NLRP14: variants seen among roughly 807,000 people sequenced by gnomAD.
NLRP14 encodes the protein NACHT, LRR and PYD domains-containing protein 14.
In NLRP14, 105 loss-of-function variants were observed where a neutral mutation model predicts 94.7. The observed-to-expected ratio is 1.11, with a 90% CI of 0.95 to 1.30. NLRP14 has a LOEUF of 1.30. Among genes scored for constraint, NLRP14 ranks in the 50% most tolerant of loss-of-function variants. The probability of loss-of-function intolerance (pLI) is 0.00; values close to 1 mark genes in which losing one functional copy is unlikely to be tolerated. For missense variants in NLRP14, 1,362 were observed against 1,254.1 expected (o/e 1.09, Z -1.30); for synonymous variants, 508 against 459.9 (o/e 1.10, Z -1.34).
intron 10 of NLRP14, among the ~76,000 whole-genome samples, chr11:7,062,837 C>T (rs1852646104): frequency 6.6e-6 from 1 of 151,988 alleles, no homozygotes. Flanking sequence ...AAGACTTTTA[C>T]TAATTATCTT....
At chr11:7,070,139 G>T (rs1439205735) in intron 10 of NLRP14, 147 bp from the exon 11 acceptor site, 1 of 647,186 alleles carries the variant, frequency 1.5e-6, no homozygotes, top group Admixed American at 2.3e-5. Context: ...AATATTATAG[G>T]TACTTATAGT....
intron 1 of NLRP14, among the ~76,000 whole-genome samples, chr11:7,027,581 C>T (rs1039444140): frequency 1.3e-5 from 2 of 152,148 alleles, no homozygotes; most frequent in Non-Finnish European, 2.9e-5. Context: ...CACATGTAGT[C>T]TATAGCAGGC....
chr11:7,056,556 T>C (rs1852519082), intron 6 of NLRP14, among the ~76,000 whole-genome samples: 1 of 148,760 alleles, frequency 6.7e-6, no homozygotes, highest in African/African-American at 2.5e-5. Context: ...ACTCATAATA[T>C]GGGAAGGATA....
At chr11:7,076,145 T>C (rs1410590754), downstream of NLRP14, among the ~76,000 whole-genome samples, 2 of 152,204 alleles carry the variant, frequency 1.3e-5, no homozygotes, top group Non-Finnish European at 2.9e-5. Context: ...TGGATATTTT[T>C]GCACTAACTT....
In NLRP14 at chr11:7,046,850, AAATTT is replaced by A. The variant is rs752701724; in HGVS notation, c.2123+22_2123+26del. The A allele has an allele frequency of 6.3e-7, 1 of 1,589,204 alleles. No homozygotes were observed. The highest frequency in any genetic ancestry group is 8.6e-7 in the Non-Finnish European group (1 of 1,157,604). ...AAGCTACTGTAAGTCTGGTATGAGA[AAATTT>A]AATGGAGTTATTCTAATTTCTTTCT... On this transcript the variant is annotated intron_variant, in intron 5 of 11. Coordinates refer to ENST00000299481, the MANE Select transcript of NLRP14 (RefSeq NM_176822.4).
intron 1 of NLRP14, among the ~76,000 whole-genome samples, chr11:7,028,958 A>T (rs904339109): frequency 2.6e-5 from 4 of 152,216 alleles, no homozygotes; most frequent in African/African-American, 9.6e-5. Context: ...GGGTGAGAGT[A>T]AAAATACAAA....
chr11:7,050,853 A>T (rs1297440546), intron 6 of NLRP14, among the ~76,000 whole-genome samples: 1 of 152,212 alleles, frequency 6.6e-6, no homozygotes, highest in African/African-American at 2.4e-5. Flanking sequence ...ATTATGAGGC[A>T]TTTTCTGTAA....
downstream of NLRP14, among the ~76,000 whole-genome samples, chr11:7,075,078 A>G (rs1852857762): frequency 6.6e-6 from 1 of 152,164 alleles, no homozygotes; most frequent in Non-Finnish European, 1.5e-5. Flanking sequence ...AGAAAGCCTA[A>G]GGGTAGTTAA....
intron 1 of NLRP14, among the ~76,000 whole-genome samples, chr11:7,023,358 A>G (rs1488950686): frequency 1.4e-5 from 2 of 146,670 alleles, no homozygotes; most frequent in East Asian, 1.9e-4. Context: ...ATTATATTAC[A>G]TATATAAATA....
intron 6 of NLRP14, among the ~76,000 whole-genome samples, chr11:7,056,258 T>C (rs1226925379): frequency 3.3e-5 from 5 of 151,688 alleles, no homozygotes; most frequent in East Asian, 1.9e-4. Context: ...AGCAAGACAA[T>C]TGATAAAAAG....
At chr11:7,035,905 C>A (rs557090378) in intron 1 of NLRP14, among the ~76,000 whole-genome samples, 1 of 152,254 alleles carries the variant, frequency 6.6e-6, no homozygotes, top group South Asian at 2.1e-4. Context: ...AATTAAAAGG[C>A]AATGCTATGT....
chr11:7,050,256 G>C (rs952125241), intron 6 of NLRP14, among the ~76,000 whole-genome samples: 5 of 152,158 alleles, frequency 3.3e-5, no homozygotes, highest in Admixed American at 6.5e-5. Flanking sequence ...TTTGATTTTT[G>C]TTGGTGACTC....
the NLRP14 span, among the ~76,000 whole-genome samples, chr11:7,088,080 C>A: frequency 6.6e-6 from 1 of 152,074 alleles, no homozygotes; most frequent in African/African-American, 2.4e-5. Flanking sequence ...AAATAAAAAA[C>A]AAGTTAGAAA....
At chr11:7,027,114 A>G (rs577586203) in intron 1 of NLRP14, among the ~76,000 whole-genome samples, 6 of 151,910 alleles carry the variant, frequency 3.9e-5, no homozygotes, top group East Asian at 1.9e-4. Flanking sequence ...CTCACATGCC[A>G]CATGCACCTA....
chr11:7,069,784 C>T (rs990664644), intron 10 of NLRP14, among the ~76,000 whole-genome samples: 3 of 151,918 alleles, frequency 2.0e-5, no homozygotes, highest in African/African-American at 7.2e-5. Context: ...TTACCACTAC[C>T]CCCAGCTAAT....
intron 6 of NLRP14, among the ~76,000 whole-genome samples, chr11:7,052,715 G>T (rs1249422357): frequency 6.6e-6 from 1 of 152,156 alleles, no homozygotes; most frequent in Non-Finnish European, 1.5e-5. Flanking sequence ...TTATCAACTA[G>T]AGTAAAATAT....
intron 1 of NLRP14, among the ~76,000 whole-genome samples, chr11:7,036,425 T>C (rs1852161177): frequency 6.6e-6 from 1 of 152,180 alleles, no homozygotes; most frequent in African/African-American, 2.4e-5. Flanking sequence ...CAGACTCATA[T>C]AGATCTCGGC....
chr11:7,089,553 C>T, the NLRP14 span: 2 of 1,200,338 alleles, frequency 1.7e-6, no homozygotes, highest in Non-Finnish European at 2.1e-6. Flanking sequence ...CTCCAGGGCC[C>T]CGATGCCCAT....
At chr11:7,041,149 T>C (rs1268397863) in intron 3 of NLRP14, among the ~76,000 whole-genome samples, 1 of 152,194 alleles carries the variant, frequency 6.6e-6, no homozygotes, top group Non-Finnish European at 1.5e-5. Context: ...GTTTTAATTT[T>C]GGGTAAATAG....
Sources: allele counts gnomAD v4.1 joint callset (sites outside exome capture counted in the v4.1 genomes callset), GRCh38; gene constraint gnomAD v4.1.1; transcripts MANE v1.5; gene names NCBI Gene and HGNC (gene_info 2026-07-23, HGNC 2026-07-21).